Variants in CAMTA1 observed in about 807,000 individuals in gnomAD.
CAMTA1 encodes the protein calmodulin-binding transcription activator 1.
CAMTA1 carries 27 observed loss-of-function variants against 170.9 expected under a neutral mutation model. The observed-to-expected ratio is 0.16, with a 90% CI of 0.12 to 0.22. CAMTA1 has a LOEUF of 0.22. CAMTA1 is among the 10% of genes least tolerant of loss of function. CAMTA1 has a pLI of 1.00. For synonymous variants in CAMTA1, 833 were observed against 891.5 expected (o/e 0.93, Z 1.17); for missense variants, 1,619 against 2,217.2 (o/e 0.73, Z 5.42).
At chr1:7,608,266 C>T (rs1043914178) in intron 6 of CAMTA1, among the ~76,000 whole-genome samples, 2 of 152,190 alleles carry the variant, frequency 1.3e-5, no homozygotes, top group African/African-American at 2.4e-5. Context: ...CAAGCAGGCC[C>T]AGACCTGACC....
intron 5 of CAMTA1, among the ~76,000 whole-genome samples, chr1:7,290,844 C>A (rs553637207): frequency 6.6e-6 from 1 of 152,008 alleles, no homozygotes; most frequent in East Asian, 1.9e-4. Context: ...GATACTTTTA[C>A]CAACAAGTCT....
chr1:7,495,789 A>G (rs2093817118), intron 6 of CAMTA1, among the ~76,000 whole-genome samples: 1 of 152,232 alleles, frequency 6.6e-6, no homozygotes, highest in Non-Finnish European at 1.5e-5. Context: ...GTTAACCAAG[A>G]GACTGTGTCA....
chr1:7,692,867 C>T (rs963413609), intron 11 of CAMTA1, among the ~76,000 whole-genome samples: 12 of 152,236 alleles, frequency 7.9e-5, no homozygotes, highest in African/African-American at 2.9e-4. Context: ...CCCCCAGGAA[C>T]TCACAGCCCA....
In CAMTA1 at chr1:7,064,770, G is replaced by A. The variant is rs556367991; in HGVS notation, c.235-26534G>A. On this transcript the variant is annotated intron_variant, in intron 3 of 22. Transcript: ENST00000303635. This position sits in a 1 kb window ranked among gnomAD's most constrained non-coding sequence, Gnocchi z 5.4. ...GGGGAGGTGGCAGGAGTCCCATTCG[G>A]GGCATGGTGGGGGCTGTAGGAGGAC... 1.3e-4 allele frequency among the ~76,000 whole-genome samples: 20 copies of A among 152,222 alleles called. No individual in the cohort carries two copies. The highest frequency in any genetic ancestry group is 2.2e-4 in the Non-Finnish European group (15 of 68,016).
intron 5 of CAMTA1, among the ~76,000 whole-genome samples, chr1:7,342,381 T>G (rs2083899424): frequency 1.3e-5 from 2 of 152,292 alleles, no homozygotes; most frequent in African/African-American, 4.8e-5. Flanking sequence ...ATTGCCCTGA[T>G]GAGCCATCAT....
intron 3 of CAMTA1, among the ~76,000 whole-genome samples, chr1:6,924,404 C>T (rs1180176879): frequency 6.6e-6 from 1 of 152,138 alleles, no homozygotes; most frequent in East Asian, 1.9e-4. Flanking sequence ...GAGCAGCCTC[C>T]TGCAGGGTCC....
chr1:7,730,180 C>G (rs921732814), intron 11 of CAMTA1, among the ~76,000 whole-genome samples: 9 of 152,262 alleles, frequency 5.9e-5, no homozygotes, highest in Admixed American at 5.2e-4. Context: ...GTTGAGGAAA[C>G]GGAGGCATGA....
intron 3 of CAMTA1, among the ~76,000 whole-genome samples, chr1:6,869,439 G>A (rs980013642): frequency 6.6e-6 from 1 of 152,182 alleles, no homozygotes; most frequent in Non-Finnish European, 1.5e-5. Flanking sequence ...TTATATACTT[G>A]CCTCAGCAAA....
chr1:7,442,097 A>G (rs1330644764), intron 5 of CAMTA1, among the ~76,000 whole-genome samples: 1 of 152,026 alleles, frequency 6.6e-6, no homozygotes, highest in East Asian at 1.9e-4. Context: ...AAGTGCTGAC[A>G]ATTTTGTTTC....
intron 3 of CAMTA1, among the ~76,000 whole-genome samples, chr1:6,935,144 G>A (rs985064433): frequency 2.0e-5 from 3 of 152,166 alleles, no homozygotes; most frequent in Admixed American, 6.5e-5. Context: ...AATCTCTCAC[G>A]GCGCTGGTTA....
intron 4 of CAMTA1, among the ~76,000 whole-genome samples, chr1:7,188,159 G>T (rs992576621): frequency 2.0e-5 from 3 of 152,032 alleles, no homozygotes; most frequent in Admixed American, 2.0e-4. Context: ...ATGGTGGGGG[G>T]AACTGCCCCC....
At chr1:7,164,768 G>A (rs1648024419) in intron 4 of CAMTA1, among the ~76,000 whole-genome samples, 3 of 152,136 alleles carry the variant, frequency 2.0e-5, no homozygotes, top group African/African-American at 4.8e-5. Context: ...ATGATTAATC[G>A]AACTAAGAGA....
At chr1:7,324,436 A>T (rs1173194933) in intron 5 of CAMTA1, among the ~76,000 whole-genome samples, 1 of 152,136 alleles carries the variant, frequency 6.6e-6, no homozygotes, top group Non-Finnish European at 1.5e-5. Context: ...TGAGAATTGA[A>T]TGTATGTACT....
Position 7,413,721 on chromosome 1 carries a change from C to T in CAMTA1, c.439-54109C>T, listed in dbSNP as rs1356763209. 2.0e-5 allele frequency among the ~76,000 whole-genome samples: 3 copies of T among 152,292 alleles called. No individual in the cohort carries two copies. In the East Asian group the frequency reaches 5.8e-4, roughly 29 times the overall value. ...CTGCAAACAAGGACAATTTGACTTCCTCTTTTCCTAATTGAATACCCTTTA... is the reference window on the plus strand; with the variant it reads ...CTGCAAACAAGGACAATTTGACTTCTTCTTTTCCTAATTGAATACCCTTTA... On this transcript the variant is annotated intron_variant, in intron 5 of 22. Transcript: ENST00000303635.
chr1:7,336,643 G>T (rs1486753190), intron 5 of CAMTA1, among the ~76,000 whole-genome samples: 3 of 152,238 alleles, frequency 2.0e-5, no homozygotes, highest in Non-Finnish European at 4.4e-5. Flanking sequence ...CAGGTGCAGA[G>T]AGGTCTGTTG....
chr1:6,831,227 CTT>C (rs1187956583), intron 3 of CAMTA1, among the ~76,000 whole-genome samples: 2 of 152,134 alleles, frequency 1.3e-5, no homozygotes, highest in African/African-American at 2.4e-5. Context: ...TTAAGCCTGA[CTT>C]TTATATTCAG....
In CAMTA1 at chr1:7,300,414, C is replaced by T. The variant is rs1021063012; in HGVS notation, c.438+50788C>T. ...TATAGAGGCCAGGCGCAGTGGCTCA[C>T]GCCTGTAATCCCCATACTTTGGGAG... On this transcript the variant is annotated intron_variant, in intron 5 of 22. Transcript: ENST00000303635. This position sits in a 1 kb window ranked among gnomAD's most constrained non-coding sequence, Gnocchi z 4.1. Among the ~76,000 whole-genome samples the T allele has an allele frequency of 4.6e-5, 7 of 152,216 alleles. No homozygotes were observed. The highest frequency in any genetic ancestry group is 1.9e-4 in the East Asian group (1 of 5,198).
At chr1:7,070,124 G>A (rs1638428261) in intron 3 of CAMTA1, among the ~76,000 whole-genome samples, 1 of 152,208 alleles carries the variant, frequency 6.6e-6, no homozygotes, top group Non-Finnish European at 1.5e-5. Flanking sequence ...GGCCCGAAGT[G>A]TCCGGAGCCG....
At chr1:7,303,556 T>C (rs565516652) in intron 5 of CAMTA1, among the ~76,000 whole-genome samples, 1 of 152,324 alleles carries the variant, frequency 6.6e-6, no homozygotes, top group East Asian at 1.9e-4. Context: ...GTTGGATGAT[T>C]ACATCGTTTC....
Sources: allele counts gnomAD v4.1 joint callset (sites outside exome capture counted in the v4.1 genomes callset), GRCh38; gene constraint gnomAD v4.1.1; non-coding constraint Gnocchi (gnomAD v3.1); transcripts MANE v1.5; gene names NCBI Gene and HGNC (gene_info 2026-07-23, HGNC 2026-07-21).